TNKS: variants seen among roughly 807,000 people sequenced by gnomAD.
TNKS encodes the protein tankyrase.
In TNKS, 72 loss-of-function variants were observed where a neutral mutation model predicts 135.8. The ratio of observed to expected loss-of-function variants is 0.53; its 90% CI spans 0.44 to 0.64. The LOEUF (loss-of-function observed/expected upper bound fraction) is 0.64. TNKS is among the 30% of genes least tolerant of loss of function. TNKS has a pLI of 0.00. For missense variants in TNKS, 1,769 were observed against 1,674.0 expected (o/e 1.06, Z -0.99); for synonymous variants, 849 against 649.3 (o/e 1.31, Z -4.68).
chr8:9,695,316 AT>A (rs1803461336), intron 5 of TNKS, among the ~76,000 whole-genome samples: 1 of 152,212 alleles, frequency 6.6e-6, no homozygotes, highest in African/African-American at 2.4e-5. Flanking sequence ...TTAAGAAGAT[AT>A]GTATGAAATT....
chr8:9,570,051 C>G (rs921037114), intron 1 of TNKS, among the ~76,000 whole-genome samples: 20 of 152,108 alleles, frequency 1.3e-4, no homozygotes, highest in Non-Finnish European at 1.8e-4. Context: ...ACACCTTAAT[C>G]TATTTTAAAT....
At chr8:9,701,687 C>G (rs1392452067) in intron 5 of TNKS, among the ~76,000 whole-genome samples, 1 of 152,194 alleles carries the variant, frequency 6.6e-6, no homozygotes, top group East Asian at 1.9e-4. Flanking sequence ...GGTAACAACT[C>G]CAACTTACCG....
intron 3 of TNKS, among the ~76,000 whole-genome samples, chr8:9,631,793 G>C (rs140189717): frequency 0.011 from 1,702 of 149,920 alleles, 23 homozygotes; most frequent in African/African-American, 0.04. Context: ...AAAGTGTCAA[G>C]TTTTTAAGAA....
intron 3 of TNKS, among the ~76,000 whole-genome samples, chr8:9,643,733 A>G (rs928630216): frequency 1.3e-5 from 2 of 152,198 alleles, no homozygotes; most frequent in Non-Finnish European, 2.9e-5. Flanking sequence ...AAAATTAAAA[A>G]TAGAATTCCC....
intron 11 of TNKS, among the ~76,000 whole-genome samples, chr8:9,713,425 A>T (rs966481945): frequency 6.6e-6 from 1 of 152,230 alleles, no homozygotes; most frequent in Non-Finnish European, 1.5e-5. Flanking sequence ...TAAAGGTTCA[A>T]TGGAAAATAA....
intron 3 of TNKS, among the ~76,000 whole-genome samples, chr8:9,634,891 T>A (rs537299424): frequency 1.3e-5 from 2 of 152,282 alleles, no homozygotes; most frequent in South Asian, 4.1e-4. Context: ...AGTAATGAAC[T>A]GCTCGGCCGG....
rs116375931 is a variant in TNKS at position 9,711,157 on chromosome 8, G to A, written c.1749+937G>A. On this transcript the variant is annotated intron_variant, in intron 11 of 26. Coordinates refer to ENST00000310430, the MANE Select transcript of TNKS (RefSeq NM_003747.3). ...TATAGACTCCCTATGGAGCATACAA[G>A]ATGCCCTGTTGGAAAAATCCTAGCA... Among the ~76,000 whole-genome samples, 834 of 152,210 alleles carry A rather than the reference G, an allele frequency of 5.5e-3. 13 individuals carry two copies. Among genetic ancestry groups the A allele is most frequent in the African/African-American group, 0.019 (790 of 41,528 alleles).
chr8:9,638,774 A>G (rs1003246866), intron 3 of TNKS, among the ~76,000 whole-genome samples: 5 of 152,326 alleles, frequency 3.3e-5, no homozygotes, highest in Admixed American at 2.0e-4. Flanking sequence ...GTGAAAAGCC[A>G]TAAGATCCAA....
Position 9,751,852 on chromosome 8 carries a change from T to C in TNKS, c.3070+6T>C, listed in dbSNP as rs370834915. The C allele has an allele frequency of 8.7e-5, 141 of 1,612,146 alleles. 2 individuals are homozygous for C. In the South Asian group the frequency reaches 1.4e-3, roughly 16 times the overall value. ...AGAAAGGAAGGAAGGAGAAGGTGAG[T>C]AGACCCCATGAATGCTTATTTATTT... On this transcript the variant is annotated splice_donor_region_variant and intron_variant, in intron 19 of 26. Coordinates refer to ENST00000310430, the MANE Select transcript of TNKS (RefSeq NM_003747.3).
chr8:9,748,133 T>C lies in TNKS; in HGVS notation c.2753T>C (p.Leu918Pro). 1 of 1,614,210 alleles carries C rather than the reference T, an allele frequency of 6.2e-7. No individual in the cohort carries two copies. Among genetic ancestry groups the C allele is most frequent in the Non-Finnish European group, 8.5e-7 (1 of 1,180,028 alleles). ...GCAGCCCAGAAAGGAAGGACGCAGC[T>C]GTGCGCCCTCCTCCTAGCGCATGGT... ...HEAAQKGRTQ[L>P]CALLLAHGAD... The change falls in exon 18 of 27, where the codon CTG becomes CCG. Residue 918 changes from leucine (L) to proline (P), a missense_variant. By Grantham distance (98) the Leu-to-Pro change is moderately conservative (BLOSUM62 -3). Transcript: ENST00000310430.
rs984904787 is a variant in TNKS at position 9,730,791 on chromosome 8, T to C, written c.2002-99T>C. ...GAAATAAATATTCATTAGACAATTA[T>C]AATTTACTTATCCAAGATGTTGAAC... is the stretch of plus-strand genomic sequence containing the variant. On this transcript the variant is annotated intron_variant, in intron 13 of 26. Coordinates refer to ENST00000310430, the MANE Select transcript of TNKS (RefSeq NM_003747.3). 1.5e-5 allele frequency: 20 copies of C among 1,332,406 alleles called. No individual in the cohort carries two copies. The African/African-American group carries it at 2.2e-4, about 15-fold the overall frequency. The allele number at this position is 1,332,406 out of a possible 1,614,324, so 82.5% of individuals were successfully genotyped here. A position where few individuals can be genotyped will look rare whatever the true frequency, so the allele number is the denominator to read the frequency against.
chr8:9,680,062 A>G, intron 4 of TNKS, 75 bp downstream of exon 4: 1 of 1,088,656 alleles, frequency 9.2e-7, no homozygotes, highest in Non-Finnish European at 1.4e-6. Flanking sequence ...GGAGGACTAT[A>G]AAAAATATAA....
intron 20 of TNKS, among the ~76,000 whole-genome samples, chr8:9,759,694 G>A (rs755626146): frequency 1.3e-5 from 2 of 152,142 alleles, no homozygotes; most frequent in African/African-American, 4.8e-5. Context: ...TCTGACGAGG[G>A]CCAGGCGCGG....
chr8:9,578,911 G>C (rs546725743), intron 1 of TNKS, among the ~76,000 whole-genome samples: 1 of 152,266 alleles, frequency 6.6e-6, no homozygotes, highest in South Asian at 2.1e-4. Flanking sequence ...AATTTAGTTT[G>C]TAATTTTACC....
intron 5 of TNKS, among the ~76,000 whole-genome samples, chr8:9,684,823 A>AACGGGGAG (rs1197760471): frequency 6.6e-6 from 1 of 152,254 alleles, no homozygotes; most frequent in East Asian, 1.9e-4. Context: ...GGTACTGGTT[A>AACGGGGAG]ACGGGGAGCT....
chr8:9,666,845 T>A lies in TNKS; in HGVS notation c.995-13106T>A, dbSNP rs868151840. Reference sequence around the variant, plus strand: ...TATTCCAAAGGCTGGTGGAGGTTCATAATAATTGGCCCTGAATTGTCAAGA... The same window carrying A: ...TATTCCAAAGGCTGGTGGAGGTTCAAAATAATTGGCCCTGAATTGTCAAGA... On this transcript the variant is annotated intron_variant, in intron 3 of 26. Coordinates refer to ENST00000310430, the MANE Select transcript of TNKS (RefSeq NM_003747.3). 2.6e-5 allele frequency among the ~76,000 whole-genome samples: 4 copies of A among 152,296 alleles called. No individual in the cohort carries two copies. The South Asian group carries it at 8.3e-4, about 32-fold the overall frequency.
chr8:9,733,285 G>C lies in TNKS; in HGVS notation c.2154G>C (p.Leu718Phe). The change falls in exon 15 of 27, where the codon TTG becomes TTC. Residue 718 changes from leucine to phenylalanine, a missense_variant. Coordinates refer to ENST00000310430, the MANE Select transcript of TNKS (RefSeq NM_003747.3). ...ATAACTTTCTTTTGTTTAGTGGCTT[G>C]GTGCCCCTTCATAATGCCTGTTCAT... ...ADVHAKDKGG[L>F]VPLHNACSYG... 6.4e-7 allele frequency: 1 copy of C among 1,559,068 alleles called. No homozygotes were observed. Among genetic ancestry groups the C allele is most frequent in the Non-Finnish European group, 8.6e-7 (1 of 1,160,360 alleles).
chr8:9,556,329 G>A lies in TNKS; in HGVS notation c.390G>A (p.Ser130=), dbSNP rs749381305. ...PAGSGSNNSP[S]SSSSPTSSSS... ...GCAGTGGCAGTAACAATTCACCGTCGTCCTCTTCTTCCCCGACTTCTTCCT... is the reference window on the plus strand; with the variant it reads ...GCAGTGGCAGTAACAATTCACCGTCATCCTCTTCTTCCCCGACTTCTTCCT... Residue 130 remains serine, a synonymous_variant, in exon 1 of 27, where the codon TCG becomes TCA. Transcript: ENST00000310430. The A allele has an allele frequency of 2.5e-5, 40 of 1,614,130 alleles. No individual in the cohort carries two copies. The Admixed American group carries it at 3.3e-4, about 13-fold the overall frequency.
intron 26 of TNKS, among the ~76,000 whole-genome samples, chr8:9,771,382 A>AGGGGGAG (rs1563225286): frequency 2.8e-5 from 2 of 71,408 alleles, no homozygotes; most frequent in Non-Finnish European, 6.4e-5. Context: ...GAGGGAGGGA[A>AGGGGGAG]AGAGAGAAAG....
Sources: allele counts gnomAD v4.1 joint callset (sites outside exome capture counted in the v4.1 genomes callset), GRCh38; gene constraint gnomAD v4.1.1; transcripts MANE v1.5; gene names NCBI Gene and HGNC (gene_info 2026-07-23, HGNC 2026-07-21).